Variants in COL19A1 observed in about 807,000 individuals in gnomAD.
The protein encoded by COL19A1 is collagen alpha-1(XIX) chain.
A neutral mutation model predicts 190.2 loss-of-function variants in COL19A1; 159 were observed. The observed-to-expected ratio is 0.84, with a 90% CI of 0.73 to 0.95. COL19A1 has a LOEUF of 0.95. COL19A1 is among the 40% of genes least tolerant of loss of function. The probability of loss-of-function intolerance (pLI) is 0.00; values close to 1 mark genes in which losing one functional copy is unlikely to be tolerated. For synonymous variants in COL19A1, 509 were observed against 458.9 expected, an observed-to-expected ratio of 1.11 and a Z score of -1.39; for missense variants, 1,418 against 1,431.9, an observed-to-expected ratio of 0.99 and a Z score of 0.16.
intron 12 of COL19A1, among the ~76,000 whole-genome samples, chr6:70,030,709 A>T (rs1471875625): frequency 6.6e-6 from 1 of 152,084 alleles, no homozygotes; most frequent in Non-Finnish European, 1.5e-5. Flanking sequence ...TTTTTAATAA[A>T]TTTCTCTGCT....
In COL19A1 at chr6:70,207,029, C is replaced by T. The variant is rs1767915665; in HGVS notation, c.3301+51C>T. The T allele has an allele frequency of 3.7e-6, 6 of 1,606,310 alleles. No homozygotes were observed. The East Asian group carries it at 1.3e-4, about 36-fold the overall frequency. ...ACAAGCAAGCCTTTACAAATTAGAA[C>T]CATGCTTCTCCCCTAGGGTCCTTAT... is the stretch of plus-strand genomic sequence containing the variant. On this transcript the variant is annotated intron_variant, in intron 50 of 50. Transcript: ENST00000620364.
At chr6:69,998,644 C>CAAAA (rs34860121) in intron 11 of COL19A1, among the ~76,000 whole-genome samples, 4 of 67,260 alleles carry the variant, frequency 5.9e-5, no homozygotes, top group African/African-American at 9.9e-5. Flanking sequence ...GACTCCCTCT[C>CAAAA]AAAAAAAAAA....
intron 16 of COL19A1, among the ~76,000 whole-genome samples, chr6:70,103,706 C>A (rs146159143): frequency 2.4e-4 from 37 of 152,280 alleles, no homozygotes; most frequent in Middle Eastern, 3.4e-3. Context: ...CCTATAGAAG[C>A]TTTGCCAGTG....
chr6:70,082,069 A>C (rs1173557830), intron 15 of COL19A1, among the ~76,000 whole-genome samples: 3 of 152,202 alleles, frequency 2.0e-5, no homozygotes, highest in Non-Finnish European at 4.4e-5. Flanking sequence ...ATCTTCAAAT[A>C]TTTAACAAGT....
chr6:69,966,308 T>C (rs1050091833), intron 11 of COL19A1, among the ~76,000 whole-genome samples: 2 of 152,078 alleles, frequency 1.3e-5, no homozygotes, highest in Non-Finnish European at 2.9e-5. Flanking sequence ...ATGATGACGA[T>C]GGCGGTTTTG....
At chr6:70,005,459 T>C (rs540725491) in intron 11 of COL19A1, among the ~76,000 whole-genome samples, 1 of 152,300 alleles carries the variant, frequency 6.6e-6, no homozygotes, top group East Asian at 1.9e-4. Context: ...CAGGCCCTAT[T>C]CATCTGGTTT....
At chr6:69,943,313 G>C (rs914235977) in intron 9 of COL19A1, among the ~76,000 whole-genome samples, 4 of 152,064 alleles carry the variant, frequency 2.6e-5, no homozygotes, top group African/African-American at 9.7e-5. Flanking sequence ...TTAATCCCTT[G>C]TCAGATGAAT....
chr6:69,907,426 G>A (rs969812171), intron 4 of COL19A1, among the ~76,000 whole-genome samples: 1 of 151,986 alleles, frequency 6.6e-6, no homozygotes, highest in Non-Finnish European at 1.5e-5. Flanking sequence ...CACTGCGCCC[G>A]GCTGATTTTT....
chr6:70,152,580 A>G (rs550380632), intron 31 of COL19A1, among the ~76,000 whole-genome samples: 49 of 152,260 alleles, frequency 3.2e-4, no homozygotes, highest in South Asian at 6.2e-4. Context: ...ATGCCACTCA[A>G]TATGCCACTT....
chr6:70,046,316 G>A (rs1018534416), intron 14 of COL19A1, among the ~76,000 whole-genome samples: 5 of 152,088 alleles, frequency 3.3e-5, no homozygotes, highest in African/African-American at 1.2e-4. Context: ...TACACAAGAA[G>A]CCAGAATGTT....
chr6:69,895,574 G>A (rs1370079586), intron 2 of COL19A1, among the ~76,000 whole-genome samples: 3 of 152,114 alleles, frequency 2.0e-5, no homozygotes, highest in Non-Finnish European at 2.9e-5. Context: ...AGCACTTCCC[G>A]CCAGACTGTT....
chr6:69,877,346 T>C (rs1240321807), intron 1 of COL19A1, among the ~76,000 whole-genome samples: 1 of 152,208 alleles, frequency 6.6e-6, no homozygotes, highest in African/African-American at 2.4e-5. Context: ...ATTTACTAAA[T>C]CTTTTATTTC....
At position 69,945,691 on chromosome 6, in the gene COL19A1, C is replaced by A. The variant is rs3805964; in HGVS notation, c.936+7591C>A. On this transcript the variant is annotated intron_variant, in intron 9 of 50. Coordinates refer to ENST00000620364, the MANE Select transcript of COL19A1 (RefSeq NM_001858.6). ...AGTCCTTTTTTTGGATCAGTTTTAC[C>A]CAATTTGATATAATCTCATGTAATC... Among the ~76,000 whole-genome samples the A allele has an allele frequency of 1.4e-4, 21 of 151,282 alleles. No individual in the cohort carries two copies. The East Asian group carries it at 4.1e-3, about 29-fold the overall frequency.
chr6:69,995,057 C>A (rs1776824519), intron 11 of COL19A1, among the ~76,000 whole-genome samples: 1 of 152,152 alleles, frequency 6.6e-6, no homozygotes, highest in South Asian at 2.1e-4. Flanking sequence ...CTCTCTCTTT[C>A]TTTCTCTTAA....
chr6:70,106,341 T>A (rs909947506), intron 16 of COL19A1, among the ~76,000 whole-genome samples: 1 of 151,982 alleles, frequency 6.6e-6, no homozygotes, highest in Admixed American at 6.6e-5. Flanking sequence ...TGTGTGTGTG[T>A]GTGTGTGTGT....
At chr6:69,972,599 A>G (rs535802591) in intron 11 of COL19A1, among the ~76,000 whole-genome samples, 1 of 152,282 alleles carries the variant, frequency 6.6e-6, no homozygotes, top group South Asian at 2.1e-4. Flanking sequence ...GACTCCTACT[A>G]TTGAATTTGT....
At chr6:69,905,209 G>C (rs1770470068) in intron 4 of COL19A1, among the ~76,000 whole-genome samples, 1 of 152,218 alleles carries the variant, frequency 6.6e-6, no homozygotes, top group Non-Finnish European at 1.5e-5. Context: ...TCAGGTTCCA[G>C]CTCATGCTGA....
At chr6:70,156,629 A>C in intron 33 of COL19A1, 41 bp from the exon 34 acceptor site, 1 of 1,603,002 alleles carries the variant, frequency 6.2e-7, no homozygotes, top group Non-Finnish European at 8.5e-7. Context: ...AAAGATAAGA[A>C]AAATGATTGC....
intron 14 of COL19A1, among the ~76,000 whole-genome samples, chr6:70,045,312 CAAAAA>C (rs34047162): frequency 2.5e-4 from 17 of 68,928 alleles, no homozygotes; most frequent in African/African-American, 7.4e-4. Context: ...GACTCTGTCT[CAAAAA>C]AAAAAAAAAA....
Sources: gnomAD v4.1 joint callset for allele counts (sites outside exome capture counted in the v4.1 genomes callset) on GRCh38, gnomAD v4.1.1 for gene constraint, MANE v1.5 for transcripts, NCBI Gene and HGNC (gene_info 2026-07-23, HGNC 2026-07-21) for gene names.